The following MYH11 variants were observed in gnomAD, a reference collection of about 807,000 sequenced individuals.
MYH11 encodes the protein myosin heavy chain 11.
A neutral mutation model predicts 246.6 loss-of-function variants in MYH11; 80 were observed. The ratio of observed to expected loss-of-function variants is 0.32; its 90% CI spans 0.27 to 0.39. The LOEUF is 0.39. Among genes scored for constraint, MYH11 ranks in the 10% least tolerant of loss-of-function variants. The pLI is 1.00. For synonymous variants in MYH11, 1,071 were observed against 1,015.5 expected (o/e 1.05, Z -1.04); for missense variants, 2,158 against 2,546.8 (o/e 0.85, Z 3.29).
chr16:15,714,526 C>T, intron 40 of MYH11: 1 of 366,088 alleles, frequency 2.7e-6, no homozygotes. Context: ...AGGAGCAGAG[C>T]ATGTCAGGAA....
chr16:15,781,259 C>A (rs956859258), intron 6 of MYH11, among the ~76,000 whole-genome samples: 1 of 152,134 alleles, frequency 6.6e-6, no homozygotes, highest in Admixed American at 6.5e-5. Context: ...CTTCATATTC[C>A]AGTTAGGGCA....
At chr16:15,709,388 C>T (rs2039652930) in intron 40 of MYH11, among the ~76,000 whole-genome samples, 1 of 151,950 alleles carries the variant, frequency 6.6e-6, no homozygotes, top group Non-Finnish European at 1.5e-5. Context: ...TATCTCTGCT[C>T]ACTGCAACCT....
intron 13 of MYH11, among the ~76,000 whole-genome samples, 193 bp from the exon 14 acceptor site, chr16:15,756,707 G>GT (rs2041726647): frequency 6.6e-6 from 1 of 151,640 alleles, no homozygotes; most frequent in Non-Finnish European, 1.5e-5. Context: ...CAATGGACCA[G>GT]TAACAGGGAT....
intron 27 of MYH11, among the ~76,000 whole-genome samples, 168 bp from the exon 28 acceptor site, chr16:15,727,222 T>A (rs2040811765): frequency 6.6e-6 from 1 of 151,498 alleles, no homozygotes; most frequent in African/African-American, 2.4e-5. Flanking sequence ...TTTTTTGAGA[T>A]GGAGTCTTAA....
chr16:15,820,472 C>T (rs1396405132), intron 3 of MYH11, among the ~76,000 whole-genome samples: 1 of 138,556 alleles, frequency 7.2e-6, no homozygotes, highest in African/African-American at 2.7e-5. Flanking sequence ...GAAACTCCAT[C>T]CGGAAAAAAA....
At chr16:15,850,494 C>A (rs1567219971) in intron 1 of MYH11, among the ~76,000 whole-genome samples, 1 of 152,186 alleles carries the variant, frequency 6.6e-6, no homozygotes, top group Non-Finnish European at 1.5e-5. Context: ...TACTGCCAAG[C>A]CATTGGCTAA....
intron 14 of MYH11, 58 bp downstream of exon 14, chr16:15,756,283 G>C (rs2041713440): frequency 1.3e-6 from 2 of 1,586,090 alleles, no homozygotes; most frequent in Non-Finnish European, 1.7e-6. Flanking sequence ...CTGTCTCTGC[G>C]CTGAGCAGCC....
chr16:15,806,279 C>CAAAAAAAAA (rs71134463), intron 3 of MYH11, among the ~76,000 whole-genome samples: 3 of 61,128 alleles, frequency 4.9e-5, no homozygotes, highest in Non-Finnish European at 9.9e-5. Context: ...CACTCTGTCT[C>CAAAAAAAAA]AAAAAAAAAA....
At chr16:15,731,551 G>A (rs1184956287) in intron 27 of MYH11, among the ~76,000 whole-genome samples, 1 of 151,482 alleles carries the variant, frequency 6.6e-6, no homozygotes, top group Non-Finnish European at 1.5e-5. Context: ...GAGTGCAGTA[G>A]CACGATCTGA....
chr16:15,820,622 C>T (rs2043385802), intron 3 of MYH11, among the ~76,000 whole-genome samples: 1 of 152,086 alleles, frequency 6.6e-6, no homozygotes, highest in African/African-American at 2.4e-5. Flanking sequence ...AAACTGGTGA[C>T]CCATCAAATA....
At chr16:15,742,187 A>C (rs527467475) in intron 20 of MYH11, 198 of 507,624 alleles carry the variant, frequency 3.9e-4, no homozygotes, top group Middle Eastern at 2.2e-3. Context: ...TCTAAATCAG[A>C]GCACCAGAAA....
At chr16:15,742,765 G>A (rs1396999512) in intron 20 of MYH11, among the ~76,000 whole-genome samples, 2 of 151,952 alleles carry the variant, frequency 1.3e-5, no homozygotes, top group African/African-American at 2.4e-5. Flanking sequence ...TATAAGATAT[G>A]TATTACCCCA....
intron 40 of MYH11, chr16:15,712,940 C>G (rs1158615670): frequency 7.0e-6 from 1 of 143,754 alleles, no homozygotes; most frequent in Admixed American, 7.1e-5. Flanking sequence ...TGCAACCTCT[C>G]TCTCCCGGTT....
Position 15,757,755 on chromosome 16 carries a change from C to A in MYH11, c.1575+72G>T, listed in dbSNP as rs2041766859. Reference sequence around the variant, plus strand: ...ATGTGCATGGGGAGAGTGTGGGGTCCACGTCGGCTCCACAGAGGCCACACA... The same window carrying A: ...ATGTGCATGGGGAGAGTGTGGGGTCAACGTCGGCTCCACAGAGGCCACACA... On this transcript the variant is annotated intron_variant, in intron 13 of 40. Transcript: ENST00000300036. The A allele has an allele frequency of 3.8e-6, 6 of 1,589,634 alleles. No individual in the cohort carries two copies. In the East Asian group the frequency reaches 1.4e-4, roughly 36 times the overall value.
intron 15 of MYH11, among the ~76,000 whole-genome samples, chr16:15,751,403 T>G (rs1448002571): frequency 6.6e-6 from 1 of 151,808 alleles, no homozygotes; most frequent in Non-Finnish European, 1.5e-5. Context: ...CCTCAGGTGA[T>G]TCCCCTGCCT....
chr16:15,744,340 G>A (rs755216791), intron 20 of MYH11, among the ~76,000 whole-genome samples: 24 of 151,954 alleles, frequency 1.6e-4, no homozygotes, highest in African/African-American at 4.1e-4. Context: ...GACTACAGGC[G>A]TTTGCCACCA....
At position 15,760,425 on chromosome 16, in the gene MYH11, G is replaced by C. The variant is rs1002396223; in HGVS notation, c.1248+115C>G. 5 of 861,072 alleles carry C rather than the reference G, an allele frequency of 5.8e-6. No homozygotes were observed. In the African/African-American group the frequency reaches 8.3e-5, roughly 14 times the overall value. 53.3% of individuals were successfully genotyped at this position (861,072 alleles called of 1,614,324 possible). ...AGATGGATGGATGGACAGATGCAGA[G>C]GCAGACCATGGGTGAATGGATTAAT... On this transcript the variant is annotated intron_variant, in intron 11 of 40. Transcript: ENST00000300036.
chr16:15,856,045 A>G lies in MYH11; in HGVS notation c.-18+896T>C, dbSNP rs958198627. ...AAAACTTACAACAGGCAGTAGCCAC[A>G]CTTTCTCTCGTTTTACCCATTTGGT... On this transcript the variant is annotated intron_variant, in intron 1 of 40. Transcript: ENST00000300036. Among the ~76,000 whole-genome samples the G allele has an allele frequency of 2.0e-5, 3 of 152,256 alleles. No individual in the cohort carries two copies. The East Asian group carries it at 5.8e-4, about 29-fold the overall frequency.
intron 40 of MYH11, chr16:15,708,770 C>T (rs1567674596): frequency 6.3e-7 from 1 of 1,595,628 alleles, no homozygotes. Flanking sequence ...GATACTGAGA[C>T]AACACACAGC....
Sources: gnomAD v4.1 joint callset for allele counts (sites outside exome capture counted in the v4.1 genomes callset) on GRCh38, gnomAD v4.1.1 for gene constraint, MANE v1.5 for transcripts, NCBI Gene and HGNC (gene_info 2026-07-23, HGNC 2026-07-21) for gene names.